KIAA1217: variants seen among roughly 807,000 people sequenced by gnomAD.
KIAA1217 encodes the protein KIAA1217.
A neutral mutation model predicts 163.9 loss-of-function variants in KIAA1217; 88 were observed. The observed-to-expected ratio is 0.54, with a 90% CI of 0.45 to 0.64. The LOEUF is 0.64. KIAA1217 is among the 30% of genes least tolerant of loss of function. The pLI is 0.00. For missense variants in KIAA1217, 2,372 were observed against 2,475.0 expected, an observed-to-expected ratio of 0.96 and a Z score of 0.88; for synonymous variants, 903 against 923.1, an observed-to-expected ratio of 0.98 and a Z score of 0.39.
chr10:24,468,917 A>C (rs2063211645), intron 5 of KIAA1217, among the ~76,000 whole-genome samples: 1 of 152,148 alleles, frequency 6.6e-6, no homozygotes, highest in African/African-American at 2.4e-5. Context: ...TAAATGTTTC[A>C]TTTTAAAGGT....
intron 2 of KIAA1217, among the ~76,000 whole-genome samples, chr10:24,083,397 C>T (rs1484298329): frequency 2.0e-5 from 3 of 152,066 alleles, no homozygotes; most frequent in Non-Finnish European, 4.4e-5. Context: ...TGAATAGCCT[C>T]CAGAAATTTA....
At chr10:24,279,235 CTG>C (rs2077632004) in intron 2 of KIAA1217, among the ~76,000 whole-genome samples, 1 of 139,888 alleles carries the variant, frequency 7.1e-6, no homozygotes, top group Non-Finnish European at 1.5e-5. Flanking sequence ...TTTCTAGTGT[CTG>C]TTTTTTTTTT....
At chr10:23,995,483 AGTGT>A (rs1846431248) in intron 1 of KIAA1217, among the ~76,000 whole-genome samples, 1 of 123,190 alleles carries the variant, frequency 8.1e-6, no homozygotes, top group South Asian at 2.5e-4. Context: ...TGTGTGTGTG[AGTGT>A]GTGTGTTGTG....
chr10:23,978,969 A>G (rs1256555128), intron 1 of KIAA1217, among the ~76,000 whole-genome samples: 1 of 152,072 alleles, frequency 6.6e-6, no homozygotes, highest in Non-Finnish European at 1.5e-5. Context: ...TCCTACTTGC[A>G]TGTCACCTGG....
At chr10:23,844,148 A>G (rs1838914478) in intron 1 of KIAA1217, among the ~76,000 whole-genome samples, 1 of 152,184 alleles carries the variant, frequency 6.6e-6, no homozygotes, top group Non-Finnish European at 1.5e-5. Context: ...CTTATAAAGG[A>G]ACCCAGTGTT....
chr10:23,699,444 TG>T (rs1836277269), intron 1 of KIAA1217, among the ~76,000 whole-genome samples: 1 of 152,208 alleles, frequency 6.6e-6, no homozygotes, highest in African/African-American at 2.4e-5. Flanking sequence ...TGGGTGGTAT[TG>T]GTGCTCCTTT....
At chr10:23,943,817 T>G (rs1843887415) in intron 1 of KIAA1217, among the ~76,000 whole-genome samples, 1 of 152,182 alleles carries the variant, frequency 6.6e-6, no homozygotes, top group East Asian at 1.9e-4. Flanking sequence ...TTTACCAAAG[T>G]GCCAAGGCAA....
intron 2 of KIAA1217, among the ~76,000 whole-genome samples, chr10:24,129,153 A>G (rs1011181367): frequency 1.3e-5 from 2 of 152,186 alleles, no homozygotes; most frequent in African/African-American, 4.8e-5. Flanking sequence ...TGATGCAGAT[A>G]GTTCTACCCG....
chr10:24,428,376 T>A (rs1391703154), intron 3 of KIAA1217, among the ~76,000 whole-genome samples: 5 of 152,118 alleles, frequency 3.3e-5, no homozygotes, highest in Admixed American at 2.0e-4. Flanking sequence ...TGTAACAGCA[T>A]GGAGATTCTG....
intron 2 of KIAA1217, among the ~76,000 whole-genome samples, chr10:24,321,892 C>A (rs539231359): frequency 6.6e-6 from 1 of 152,042 alleles, no homozygotes; most frequent in African/African-American, 2.4e-5. Flanking sequence ...CTGAACCGGA[C>A]GCTCAAAAAT....
intron 1 of KIAA1217, among the ~76,000 whole-genome samples, chr10:23,798,508 A>G (rs10828548): frequency 0.04 from 6,142 of 152,216 alleles, 161 homozygotes; most frequent in South Asian, 0.081. Context: ...GATATATCCC[A>G]AATTGTTGGA....
At chr10:23,767,930 A>T (rs1259134246) in intron 1 of KIAA1217, among the ~76,000 whole-genome samples, 1 of 152,166 alleles carries the variant, frequency 6.6e-6, no homozygotes, top group East Asian at 1.9e-4. Flanking sequence ...GAAATGGCTG[A>T]ATTTGGGCAG....
chr10:23,930,899 G>A (rs1589099341), intron 1 of KIAA1217, among the ~76,000 whole-genome samples: 1 of 151,974 alleles, frequency 6.6e-6, no homozygotes, highest in Admixed American at 6.6e-5. Context: ...CCTTCCTCAC[G>A]TGTGCCTCCC....
At chr10:24,230,806 C>G (rs558294712) in intron 2 of KIAA1217, among the ~76,000 whole-genome samples, 1 of 152,216 alleles carries the variant, frequency 6.6e-6, no homozygotes, top group South Asian at 2.1e-4. Flanking sequence ...GCTGGGATTA[C>G]AGGTGTGGGG....
chr10:23,834,910 A>G (rs753503515), intron 1 of KIAA1217, among the ~76,000 whole-genome samples: 9 of 152,132 alleles, frequency 5.9e-5, no homozygotes, highest in Non-Finnish European at 1.2e-4. Flanking sequence ...ATAAATTTGA[A>G]TAAACATTCA....
At chr10:24,044,470 A>G (rs1328472049) in intron 2 of KIAA1217, among the ~76,000 whole-genome samples, 1 of 151,996 alleles carries the variant, frequency 6.6e-6, no homozygotes, top group Non-Finnish European at 1.5e-5. Context: ...TTTCTTGTGT[A>G]ATTTGTTAAA....
At chr10:23,988,376 G>T (rs1341349299) in intron 1 of KIAA1217, among the ~76,000 whole-genome samples, 5 of 152,140 alleles carry the variant, frequency 3.3e-5, no homozygotes, top group Admixed American at 2.0e-4. Flanking sequence ...ATAGTTTCCT[G>T]GGGTCTCTGA....
intron 1 of KIAA1217, among the ~76,000 whole-genome samples, chr10:23,732,102 A>G (rs71493340): frequency 0.16 from 24,260 of 152,034 alleles, 2,221 homozygotes; most frequent in Middle Eastern, 0.25. Flanking sequence ...TTGGTCTCAT[A>G]GAATGAGTTA....
chr10:24,434,261 A>T (rs1271361431), intron 4 of KIAA1217, among the ~76,000 whole-genome samples: 5 of 151,488 alleles, frequency 3.3e-5, no homozygotes, highest in Non-Finnish European at 7.4e-5. Context: ...CTGGTCTCAA[A>T]CTCCTGACCT....
Sources: gnomAD v4.1 joint callset for allele counts (sites outside exome capture counted in the v4.1 genomes callset) on GRCh38, gnomAD v4.1.1 for gene constraint, MANE v1.5 for transcripts, NCBI Gene and HGNC (gene_info 2026-07-23, HGNC 2026-07-21) for gene names.